Variants in REEP1 observed in about 807,000 individuals in gnomAD.
The protein encoded by REEP1 is receptor accessory protein 1.
Under a neutral mutation model 40.3 loss-of-function variants are expected in REEP1, and 22 were observed. The ratio of observed to expected loss-of-function variants is 0.55; its 90% CI spans 0.39 to 0.78. The LOEUF (loss-of-function observed/expected upper bound fraction) is 0.78. Ranked by LOEUF, REEP1 falls within the 30% of genes least tolerant of loss-of-function variation. The probability of loss-of-function intolerance (pLI) is 0.00; values close to 1 mark genes in which losing one functional copy is unlikely to be tolerated. For synonymous variants in REEP1, 116 were observed against 139.2 expected, an observed-to-expected ratio of 0.83 and a Z score of 1.17; for missense variants, 280 against 361.1, an observed-to-expected ratio of 0.78 and a Z score of 1.82.
intron 5 of REEP1, among the ~76,000 whole-genome samples, chr2:86,244,718 G>T (rs376900710): frequency 6.6e-6 from 1 of 152,204 alleles, no homozygotes; most frequent in Non-Finnish European, 1.5e-5. Flanking sequence ...AGCAACTGTG[G>T]GCAAAGGGGT....
At chr2:86,287,718 T>C (rs1678470069) in intron 1 of REEP1, among the ~76,000 whole-genome samples, 2 of 152,344 alleles carry the variant, frequency 1.3e-5, no homozygotes, top group South Asian at 4.1e-4. Flanking sequence ...TGGAGAAAAC[T>C]GTAACACACA....
At chr2:86,249,484 A>G (rs1388759641) in intron 5 of REEP1, among the ~76,000 whole-genome samples, 1 of 152,058 alleles carries the variant, frequency 6.6e-6, no homozygotes, top group Non-Finnish European at 1.5e-5. Context: ...TGTGCCCCCT[A>G]TGGTTCTGTA....
At chr2:86,306,037 A>G (rs1558927518) in intron 1 of REEP1, among the ~76,000 whole-genome samples, 2 of 152,212 alleles carry the variant, frequency 1.3e-5, no homozygotes, top group East Asian at 3.8e-4. Flanking sequence ...GAGGATAAGT[A>G]TATATTTAAC....
chr2:86,301,670 T>A (rs557165698), intron 1 of REEP1, among the ~76,000 whole-genome samples: 2 of 152,350 alleles, frequency 1.3e-5, no homozygotes, highest in Non-Finnish European at 2.9e-5. Flanking sequence ...TGAGAGAGCA[T>A]CCTCACCACA....
At chr2:86,285,151 C>A (rs1439909168) in intron 1 of REEP1, among the ~76,000 whole-genome samples, 1 of 152,224 alleles carries the variant, frequency 6.6e-6, no homozygotes, top group East Asian at 1.9e-4. Flanking sequence ...TTCACAGAGC[C>A]AGCAGCTGTC....
At chr2:86,332,490 C>T (rs1680821816) in intron 1 of REEP1, among the ~76,000 whole-genome samples, 1 of 151,866 alleles carries the variant, frequency 6.6e-6, no homozygotes, top group South Asian at 2.1e-4. Flanking sequence ...CTCACATACA[C>T]TCATACGTAC....
At chr2:86,290,286 G>A (rs1439880501) in intron 1 of REEP1, among the ~76,000 whole-genome samples, 2 of 152,164 alleles carry the variant, frequency 1.3e-5, no homozygotes, top group Non-Finnish European at 2.9e-5. Flanking sequence ...TAGATGGGGA[G>A]GTGGGAGGTT....
At position 86,330,143 on chromosome 2, in the gene REEP1, A is replaced by G. The variant is rs143409254; in HGVS notation, c.32+7336T>C. On this transcript the variant is annotated intron_variant, in intron 1 of 8. Coordinates refer to ENST00000538924, the MANE Select transcript of REEP1 (RefSeq NM_001371279.1). ...AGGGACTAAAAGGGAAGTGAGAAAG[A>G]TATTTCTAGTGTAGAGATTGAAGGA... Among the ~76,000 whole-genome samples the G allele has an allele frequency of 5.3e-4, 80 of 152,334 alleles. 1 individual carries two copies. The East Asian group carries it at 0.014, about 26-fold the overall frequency.
intron 1 of REEP1, among the ~76,000 whole-genome samples, chr2:86,322,518 C>G (rs1680313056): frequency 6.6e-6 from 1 of 152,090 alleles, no homozygotes; most frequent in South Asian, 2.1e-4. Context: ...TAGCTGGGAC[C>G]ACAGCTACTC....
rs548248133 is a variant in REEP1 at position 86,224,144 on chromosome 2, C to G, written c.631+3219G>C. On this transcript the variant is annotated intron_variant, in intron 7 of 8. Coordinates refer to ENST00000538924, the MANE Select transcript of REEP1 (RefSeq NM_001371279.1). ...TCCGAAATGCCTCCTTTCCCTACCC[C>G]CATCATGAATTAAGACCTGAATTTA... is the stretch of plus-strand genomic sequence containing the variant. Among the ~76,000 whole-genome samples the G allele has an allele frequency of 1.7e-3, 256 of 152,276 alleles. 1 individual carries two copies. The highest frequency in any genetic ancestry group is 6.0e-3 in the African/African-American group (248 of 41,554).
intron 7 of REEP1, 51 bp downstream of exon 7, chr2:86,227,312 C>T: frequency 4.1e-6 from 5 of 1,230,844 alleles, no homozygotes; most frequent in Non-Finnish European, 5.1e-6. Flanking sequence ...GTTAGAAGCT[C>T]TTTCCGAGTG....
chr2:86,311,464 C>G (rs569059653), intron 1 of REEP1, among the ~76,000 whole-genome samples: 42 of 152,276 alleles, frequency 2.8e-4, no homozygotes, highest in African/African-American at 9.6e-4. Context: ...ATCATGAGGG[C>G]CACGTTCCCT....
chr2:86,324,073 G>A (rs1680394302), intron 1 of REEP1, among the ~76,000 whole-genome samples: 1 of 151,990 alleles, frequency 6.6e-6, no homozygotes, highest in African/African-American at 2.4e-5. Flanking sequence ...AAAACTGCTA[G>A]GAGCAATATG....
chr2:86,295,973 A>C (rs1678962196), intron 1 of REEP1, among the ~76,000 whole-genome samples: 1 of 152,254 alleles, frequency 6.6e-6, no homozygotes, highest in Admixed American at 6.5e-5. Context: ...AGGAGAAAAA[A>C]ATTCCAAGAC....
In REEP1 at chr2:86,216,844, C is replaced by T. The variant is rs566982340; in HGVS notation, c.*195G>A. 7.0e-5 allele frequency: 40 copies of T among 571,250 alleles called. 2 individuals are homozygous for T. In the South Asian group the frequency reaches 7.9e-4, roughly 11 times the overall value. 35.4% of individuals were successfully genotyped at this position (571,250 alleles called of 1,614,324 possible). A position where few individuals can be genotyped will look rare whatever the true frequency, so the allele number is the denominator to read the frequency against. ...CCGCCCCTACTACCTTTCCCTTTAGCCTCTCCCCAGCAAAATAAAGAAAAG... is the reference window on the plus strand; with the variant it reads ...CCGCCCCTACTACCTTTCCCTTTAGTCTCTCCCCAGCAAAATAAAGAAAAG... On this transcript the variant is annotated 3_prime_UTR_variant, in exon 9 of 9. Transcript: ENST00000538924.
At chr2:86,232,533 G>A in intron 6 of REEP1, 92 bp downstream of exon 6, 1 of 1,477,416 alleles carries the variant, frequency 6.8e-7, no homozygotes. Flanking sequence ...GTGGGGCCAG[G>A]GCCAGGCTGC....
intron 1 of REEP1, among the ~76,000 whole-genome samples, chr2:86,332,369 G>A (rs1680808618): frequency 6.6e-6 from 1 of 150,934 alleles, no homozygotes; most frequent in Admixed American, 6.6e-5. Flanking sequence ...AATTCTAAAG[G>A]TGCCACGTGC....
chr2:86,278,939 T>C (rs1677911411), intron 2 of REEP1, among the ~76,000 whole-genome samples: 1 of 152,234 alleles, frequency 6.6e-6, no homozygotes, highest in Non-Finnish European at 1.5e-5. Context: ...ACAGTAAGTT[T>C]GGTTGGAAAG....
At chr2:86,286,342 G>A (rs1289595236) in intron 1 of REEP1, among the ~76,000 whole-genome samples, 6 of 152,210 alleles carry the variant, frequency 3.9e-5, no homozygotes, top group African/African-American at 1.4e-4. Flanking sequence ...CAGCCAGTGA[G>A]TAGAGGCCAG....
Sources: allele counts gnomAD v4.1 joint callset (sites outside exome capture counted in the v4.1 genomes callset), GRCh38; gene constraint gnomAD v4.1.1; transcripts MANE v1.5; gene names NCBI Gene and HGNC (gene_info 2026-07-23, HGNC 2026-07-21).